Variants in VPS39 observed in about 807,000 individuals in gnomAD.
VPS39 encodes vam6/Vps39-like protein.
Under a neutral mutation model 121.0 loss-of-function variants are expected in VPS39, and 70 were observed. The observed-to-expected ratio is 0.58, with a 90% CI of 0.48 to 0.71. The LOEUF (loss-of-function observed/expected upper bound fraction) is 0.71, where lower values mean the gene tolerates loss of function less well. VPS39 is among the 30% of genes least tolerant of loss of function. The probability of loss-of-function intolerance (pLI) is 0.00; values close to 1 mark genes in which losing one functional copy is unlikely to be tolerated. For synonymous variants in VPS39, 378 were observed against 398.1 expected, an observed-to-expected ratio of 0.95 and a Z score of 0.60; for missense variants, 818 against 1,051.5, an observed-to-expected ratio of 0.78 and a Z score of 3.07.
Position 42,159,598 on chromosome 15 carries a change from C to G in VPS39, c.*1156G>C, listed in dbSNP as rs116172840. The G allele has an allele frequency of 0.017, 2,534 of 152,534 alleles. 74 individuals are homozygous for G. Among genetic ancestry groups the G allele is most frequent in the African/African-American group, 0.059 (2,435 of 41,558 alleles). 9.4% of individuals were successfully genotyped at this position (152,534 alleles called of 1,614,324 possible). ...CCGCGTCCCCTCTGCTGTGCCTAAA[C>G]ACCTCTCAGGAACACTTGGCAGCAC... On this transcript the variant is annotated 3_prime_UTR_variant, in exon 25 of 25. Transcript: ENST00000318006.
At chr15:42,191,012 G>T in intron 4 of VPS39, 113 bp downstream of exon 4, 1 of 1,235,780 alleles carries the variant, frequency 8.1e-7, no homozygotes, top group Non-Finnish European at 1.2e-6. Context: ...TACCAGGTTT[G>T]GAACACGTCA....
chr15:42,206,171 T>C (rs1036620272), intron 1 of VPS39, among the ~76,000 whole-genome samples: 1 of 152,196 alleles, frequency 6.6e-6, no homozygotes, highest in Non-Finnish European at 1.5e-5. Flanking sequence ...AGACAGAGTA[T>C]GTTGTCTCTA....
intron 1 of VPS39, among the ~76,000 whole-genome samples, chr15:42,203,314 CA>C (rs892528373): frequency 2.0e-5 from 3 of 151,588 alleles, no homozygotes; most frequent in Non-Finnish European, 4.4e-5. Context: ...ACTAAAAATA[CA>C]AAAAAAATTA....
chr15:42,178,430 CAA>C lies in VPS39; in HGVS notation c.839+18_839+19del, dbSNP rs1024795335. On this transcript the variant is annotated intron_variant, in intron 9 of 24. Coordinates refer to ENST00000318006, the MANE Select transcript of VPS39 (RefSeq NM_015289.5). ...ACTTTGGGATAATATACAGCCATAG[CAA>C]AAAAAGAAATTCCTTACCCTCCTGA... 6.2e-7 allele frequency: 1 copy of C among 1,613,880 alleles called. No individual in the cohort carries two copies. The highest frequency in any genetic ancestry group is 1.7e-5 in the Admixed American group (1 of 59,988).
intron 7 of VPS39, among the ~76,000 whole-genome samples, chr15:42,186,817 G>A (rs745983590): frequency 6.6e-6 from 1 of 152,104 alleles, no homozygotes; most frequent in Admixed American, 6.5e-5. Context: ...GTAAAAACAC[G>A]TGGCTTTTGA....
At chr15:42,198,507 C>T (rs1324243223) in intron 2 of VPS39, among the ~76,000 whole-genome samples, 1 of 152,144 alleles carries the variant, frequency 6.6e-6, no homozygotes, top group Non-Finnish European at 1.5e-5. Context: ...CGTGCCACCA[C>T]ATCCAGCTAA....
At chr15:42,198,823 C>G (rs2050002338) in intron 2 of VPS39, among the ~76,000 whole-genome samples, 1 of 152,184 alleles carries the variant, frequency 6.6e-6, no homozygotes. Flanking sequence ...AACAACACTG[C>G]AAAGCCTAAA....
Position 42,166,881 on chromosome 15 carries a change from G to A in VPS39, c.1410C>T (p.Arg470=). The A allele has an allele frequency of 6.2e-7, 1 of 1,614,234 alleles. No individual in the cohort carries two copies. The highest frequency in any genetic ancestry group is 8.5e-7 in the Non-Finnish European group (1 of 1,180,044). Residue 470 remains arginine, a synonymous_variant, in exon 14 of 25, where the codon CGC becomes CGT. Coordinates refer to ENST00000318006, the MANE Select transcript of VPS39 (RefSeq NM_015289.5). ...TNVALVAPLL[R]LENNHCHIEE... is the part of the protein sequence containing the mutation. ...CGATGTGGCAGTGATTGTTCTCCAG[G>A]CGTAGCAAGGGGGCCACCAGGGCCA...
rs1447935505 is a variant in VPS39, at chr15:42,164,802, G to A, written c.1897+194C>T. 7 of 1,434,842 alleles carry A rather than the reference G, an allele frequency of 4.9e-6. No individual in the cohort carries two copies. In the East Asian group the frequency reaches 1.8e-4, roughly 36 times the overall value. 88.9% of individuals were successfully genotyped at this position (1,434,842 alleles called of 1,614,324 possible). A position where few individuals can be genotyped will look rare whatever the true frequency, so the allele number is the denominator to read the frequency against. Reference sequence around the variant, plus strand: ...GGATGACTCTGAGACACTCAGAGATGCCAGGACCTAGACAAGAGCTCCTGA... The same window carrying A: ...GGATGACTCTGAGACACTCAGAGATACCAGGACCTAGACAAGAGCTCCTGA... On this transcript the variant is annotated intron_variant, in intron 18 of 24. Transcript: ENST00000318006.
intron 18 of VPS39, 196 bp downstream of exon 18, chr15:42,164,800 A>G: frequency 1.4e-6 from 2 of 1,433,424 alleles, no homozygotes; most frequent in Non-Finnish European, 1.8e-6. Flanking sequence ...ACACTCAGAG[A>G]TGCCAGGACC....
intron 11 of VPS39, among the ~76,000 whole-genome samples, chr15:42,171,241 G>A (rs1325249468): frequency 6.6e-6 from 1 of 152,140 alleles, no homozygotes; most frequent in Non-Finnish European, 1.5e-5. Flanking sequence ...TAGCAGTCAG[G>A]GTTCTAAGTG....
At chr15:42,184,294 G>A (rs2049653817) in intron 8 of VPS39, 1 of 371,842 alleles carries the variant, frequency 2.7e-6, no homozygotes. Flanking sequence ...AAACATTTCT[G>A]TTTATATGTT....
At chr15:42,176,775 T>C (rs1201503119) in intron 10 of VPS39, among the ~76,000 whole-genome samples, 1 of 152,190 alleles carries the variant, frequency 6.6e-6, no homozygotes, top group Non-Finnish European at 1.5e-5. Context: ...ATCTGCATTC[T>C]AAAAAAGTGC....
rs755418166 is a variant in VPS39, at chr15:42,164,983, A to C, written c.1897+13T>G. 2 of 1,614,096 alleles carry C rather than the reference A, an allele frequency of 1.2e-6. No individual in the cohort carries two copies. Among genetic ancestry groups the C allele is most frequent in the South Asian group, 1.1e-5 (1 of 91,072 alleles). On this transcript the variant is annotated intron_variant, in intron 18 of 24. Coordinates refer to ENST00000318006, the MANE Select transcript of VPS39 (RefSeq NM_015289.5). Reference sequence around the variant, plus strand: ...AGGCCTGGGGCCAACCGGCTTCCTAAAAGAACTGGTACCTGCAGGGAAGGA... The same window carrying C: ...AGGCCTGGGGCCAACCGGCTTCCTACAAGAACTGGTACCTGCAGGGAAGGA...
At chr15:42,171,765 C>T (rs554773381) in intron 11 of VPS39, among the ~76,000 whole-genome samples, 8 of 152,272 alleles carry the variant, frequency 5.3e-5, no homozygotes, top group African/African-American at 1.7e-4. Context: ...ATTCTCCCTC[C>T]ATTCCAACCC....
chr15:42,179,995 AC>A (rs2049548826), intron 8 of VPS39, among the ~76,000 whole-genome samples: 1 of 152,042 alleles, frequency 6.6e-6, no homozygotes, highest in South Asian at 2.1e-4. Flanking sequence ...TCTTTCTCTT[AC>A]CCTTCTCCTT....
chr15:42,178,557 G>C lies in VPS39; in HGVS notation c.732C>G (p.Pro244=), dbSNP rs2049506941. ...ATCGAGGCAACACTGCAATGATGTAGGGAGGCTGGTGCTCTGTGAAAGAGA... is the reference window on the plus strand; with the variant it reads ...ATCGAGGCAACACTGCAATGATGTACGGAGGCTGGTGCTCTGTGAAAGAGA... ...DIPVAMEHQP[P]YIIAVLPRYV... is the part of the protein sequence containing the mutation. Residue 244 remains proline, a synonymous_variant, in exon 9 of 25, where the codon CCC becomes CCG. Transcript: ENST00000318006. 1.2e-6 allele frequency: 2 copies of C among 1,614,092 alleles called. No homozygotes were observed. The highest frequency in any genetic ancestry group is 1.7e-6 in the Non-Finnish European group (2 of 1,180,036).
chr15:42,194,668 G>A (rs1488442707), intron 2 of VPS39, among the ~76,000 whole-genome samples: 3 of 151,844 alleles, frequency 2.0e-5, no homozygotes, highest in African/African-American at 7.3e-5. Context: ...AGGAGTTATA[G>A]GTTGCAGTGA....
At chr15:42,190,423 T>C (rs1440124215) in intron 4 of VPS39, among the ~76,000 whole-genome samples, 1 of 152,188 alleles carries the variant, frequency 6.6e-6, no homozygotes, top group Non-Finnish European at 1.5e-5. Flanking sequence ...CAGCGCAAAG[T>C]GTGAGATCAG....
Sources: allele counts gnomAD v4.1 joint callset (sites outside exome capture counted in the v4.1 genomes callset), GRCh38; gene constraint gnomAD v4.1.1; transcripts MANE v1.5; gene names NCBI Gene and HGNC (gene_info 2026-07-23, HGNC 2026-07-21).